Variants in C3orf20 observed in about 807,000 individuals in gnomAD.
C3orf20 encodes family with sequence similarity 149 member C.
Under a neutral mutation model 88.3 loss-of-function variants are expected in C3orf20, and 76 were observed. The observed-to-expected ratio is 0.86, with a 90% CI of 0.72 to 1.04. The LOEUF is 1.04. Ranked by LOEUF, C3orf20 falls within the 50% of genes least tolerant of loss-of-function variation. The pLI is 0.00. For synonymous variants in C3orf20, 436 were observed against 437.4 expected (o/e 1.00, Z 0.04); for missense variants, 1,056 against 1,123.3 (o/e 0.94, Z 0.86).
intron 10 of C3orf20, chr3:14,722,395 G>T (rs2034195055): frequency 2.3e-6 from 1 of 442,876 alleles, no homozygotes; most frequent in African/African-American, 2.0e-5. Flanking sequence ...TGTCCATCCT[G>T]GGGGCCAATG....
At position 14,718,171 on chromosome 3, in the gene C3orf20, T is replaced by A. The variant is rs556861803; in HGVS notation, c.1434+2762T>A. On this transcript the variant is annotated intron_variant, in intron 9 of 16. Transcript: ENST00000253697. ...TCTTCTGAGACTCCAATTATGTCTA[T>A]TTTAGACCTTTTGATATTGTCCCAA... is the stretch of plus-strand genomic sequence containing the variant. 2.6e-5 allele frequency among the ~76,000 whole-genome samples: 4 copies of A among 152,256 alleles called. No homozygotes were observed. In the East Asian group the frequency reaches 5.8e-4, roughly 22 times the overall value.
chr3:14,761,724 GGA>G, intron 15 of C3orf20, 109 bp downstream of exon 15: 2 of 1,161,346 alleles, frequency 1.7e-6, no homozygotes, highest in Non-Finnish European at 2.5e-6. Flanking sequence ...GGGGCTGAAG[GGA>G]TGGAGTGGGG....
chr3:14,701,062 G>C lies in C3orf20; in HGVS notation c.746-2068G>C, dbSNP rs2033242086. Among the ~76,000 whole-genome samples, 1 of 152,224 alleles carries C rather than the reference G, an allele frequency of 6.6e-6. No individual in the cohort carries two copies. Among genetic ancestry groups the C allele is most frequent in the Non-Finnish European group, 1.5e-5 (1 of 68,042 alleles). On this transcript the variant is annotated intron_variant, in intron 5 of 16. Transcript: ENST00000253697. This position sits in a 1 kb window ranked among gnomAD's most constrained non-coding sequence, Gnocchi z 4.6. ...GACCGTCACCTTTGGGGAGCCCAAG[G>C]CACCTGGGGCAGGCCAGACATGGAG...
At chr3:14,733,717 T>A (rs1286957661) in intron 12 of C3orf20, among the ~76,000 whole-genome samples, 8 of 150,958 alleles carry the variant, frequency 5.3e-5, no homozygotes, top group Non-Finnish European at 1.5e-5. Context: ...TGAAACGGAG[T>A]CTCACTCTGT....
intron 10 of C3orf20, among the ~76,000 whole-genome samples, chr3:14,726,020 T>C (rs1031045741): frequency 6.6e-6 from 1 of 152,194 alleles, no homozygotes; most frequent in Non-Finnish European, 1.5e-5. Context: ...CTCTGGAAAC[T>C]GGGCCTGATT....
At chr3:14,742,378 C>A (rs2034928431) in intron 12 of C3orf20, among the ~76,000 whole-genome samples, 2 of 152,150 alleles carry the variant, frequency 1.3e-5, no homozygotes. Flanking sequence ...GCAAATGTAT[C>A]CCCATCAGGG....
chr3:14,703,404 C>T, intron 6 of C3orf20, 142 bp downstream of exon 6: 6 of 1,338,702 alleles, frequency 4.5e-6, no homozygotes, highest in Non-Finnish European at 6.1e-6. Flanking sequence ...TTATGTGGTA[C>T]TCCCCACGAC....
chr3:14,689,080 T>C (rs1370430178), intron 4 of C3orf20, among the ~76,000 whole-genome samples: 1 of 152,010 alleles, frequency 6.6e-6, no homozygotes, highest in Non-Finnish European at 1.5e-5. Flanking sequence ...GGAGCAGAGG[T>C]CTCAGTATAT....
At chr3:14,763,321 G>A (rs1038455571) in intron 15 of C3orf20, among the ~76,000 whole-genome samples, 1 of 152,214 alleles carries the variant, frequency 6.6e-6, no homozygotes, top group African/African-American at 2.4e-5. Context: ...AGGCGCCAAT[G>A]GATTTGGTGT....
intron 9 of C3orf20, among the ~76,000 whole-genome samples, chr3:14,716,821 A>G (rs1391937133): frequency 6.6e-6 from 1 of 152,128 alleles, no homozygotes; most frequent in Admixed American, 6.6e-5. Flanking sequence ...TAAAATAAAG[A>G]TCCCAGGCAC....
At chr3:14,677,683 T>C (rs572766175) in intron 1 of C3orf20, among the ~76,000 whole-genome samples, 1 of 152,254 alleles carries the variant, frequency 6.6e-6, no homozygotes, top group African/African-American at 2.4e-5. Flanking sequence ...GTATTTTTAC[T>C]GGAGACGGGG....
In C3orf20 at chr3:14,728,149, T is replaced by TA. The variant is rs565868072; in HGVS notation, c.1691-290_1691-289insA. On this transcript the variant is annotated intron_variant, in intron 11 of 16. Coordinates refer to ENST00000253697, the MANE Select transcript of C3orf20 (RefSeq NM_032137.5). Reference sequence around the variant, plus strand: ...TTGTGTAGCTAGCCTCTACATTTGGTGCTGGCGAGGACACAGGCTGAATGG... The same window carrying TA: ...TTGTGTAGCTAGCCTCTACATTTGGTAGCTGGCGAGGACACAGGCTGAATGG... Among the ~76,000 whole-genome samples, 4 of 152,326 alleles carry TA rather than the reference T, an allele frequency of 2.6e-5. No homozygotes were observed. The East Asian group carries it at 5.8e-4, about 22-fold the overall frequency.
At chr3:14,755,975 G>A (rs574011451) in intron 12 of C3orf20, among the ~76,000 whole-genome samples, 1 of 140,250 alleles carries the variant, frequency 7.1e-6, no homozygotes, top group African/African-American at 2.7e-5. Context: ...CTTACAGTGA[G>A]CCGAGATTGC....
At chr3:14,700,003 A>G (rs1209375685) in intron 5 of C3orf20, among the ~76,000 whole-genome samples, 1 of 152,244 alleles carries the variant, frequency 6.6e-6, no homozygotes, top group East Asian at 1.9e-4. Context: ...AGCTGAGTTC[A>G]GCCTGATTTT....
At chr3:14,755,825 C>T (rs148188697) in intron 12 of C3orf20, among the ~76,000 whole-genome samples, 2,769 of 152,060 alleles carry the variant, frequency 0.018, 59 homozygotes, top group South Asian at 0.09. Flanking sequence ...GTCAGGAGAT[C>T]GAGACCATCC....
chr3:14,759,275 AC>A (rs2035484961), intron 13 of C3orf20, among the ~76,000 whole-genome samples: 1 of 152,184 alleles, frequency 6.6e-6, no homozygotes, highest in Non-Finnish European at 1.5e-5. Context: ...AGCTGGAGGC[AC>A]CTGGAAATAA....
At position 14,675,637 on chromosome 3, in the gene C3orf20, G is replaced by A. The variant is rs114198575; in HGVS notation, c.-299+385G>A. Among the ~76,000 whole-genome samples, 1,173 of 152,214 alleles carry A rather than the reference G, an allele frequency of 7.7e-3. 10 individuals are homozygous for A. The highest frequency in any genetic ancestry group is 0.027 in the African/African-American group (1,104 of 41,506). Reference sequence around the variant, plus strand: ...AGGAGTGGCCAGAAATATTGCATCTGTTCCACCCTCAATTGAAACAGCTTC... The same window carrying A: ...AGGAGTGGCCAGAAATATTGCATCTATTCCACCCTCAATTGAAACAGCTTC... On this transcript the variant is annotated intron_variant, in intron 1 of 16. Coordinates refer to ENST00000253697, the MANE Select transcript of C3orf20 (RefSeq NM_032137.5).
At chr3:14,746,234 T>C (rs752122881) in intron 12 of C3orf20, among the ~76,000 whole-genome samples, 1 of 152,172 alleles carries the variant, frequency 6.6e-6, no homozygotes, top group Non-Finnish European at 1.5e-5. Flanking sequence ...GAAAGATAAA[T>C]GTTACATATT....
At chr3:14,689,813 C>A (rs1470582378) in intron 4 of C3orf20, among the ~76,000 whole-genome samples, 184 bp from the exon 5 acceptor site, 4 of 152,164 alleles carry the variant, frequency 2.6e-5, no homozygotes, top group Non-Finnish European at 5.9e-5. Context: ...GTAAAGATTT[C>A]CTCTAATTGC....
Sources: gnomAD v4.1 joint callset for allele counts (sites outside exome capture counted in the v4.1 genomes callset) on GRCh38, gnomAD v4.1.1 for gene constraint, Gnocchi (gnomAD v3.1) non-coding constraint, MANE v1.5 for transcripts, NCBI Gene and HGNC (gene_info 2026-07-23, HGNC 2026-07-21) for gene names.